OTOA: variants seen among roughly 807,000 people sequenced by gnomAD.
OTOA encodes the protein cancer/testis antigen 108.
Under a neutral mutation model 110.8 loss-of-function variants are expected in OTOA, and 70 were observed. The ratio of observed to expected loss-of-function variants is 0.63; its 90% CI spans 0.52 to 0.77. The LOEUF is 0.77. Among genes scored for constraint, OTOA ranks in the 30% least tolerant of loss-of-function variants. OTOA has a pLI of 0.00. For synonymous variants in OTOA, 373 were observed against 431.5 expected (o/e 0.86, Z 1.68); for missense variants, 917 against 1,075.8 (o/e 0.85, Z 2.06).
At position 21,707,448 on chromosome 16, in the gene OTOA, G is replaced by A. The variant is rs138157336; in HGVS notation, c.1104+2156G>A. ...AGACAATTTTTTGGCATCAGGGACC[G>A]GTTTTGTGGAAGACAATTTTTTTCC... On this transcript the variant is annotated intron_variant, in intron 12 of 28. Coordinates refer to ENST00000646100, the MANE Select transcript of OTOA (RefSeq NM_144672.4). Among the ~76,000 whole-genome samples the A allele has an allele frequency of 3.2e-4, 49 of 152,034 alleles. No individual in the cohort carries two copies. The East Asian group carries it at 7.6e-3, about 24-fold the overall frequency.
At chr16:21,719,298 T>TGTATCTGATC (rs1350704563) in intron 16 of OTOA, 89 bp from the exon 17 acceptor site, 1 of 1,553,258 alleles carries the variant, frequency 6.4e-7, no homozygotes, top group Non-Finnish European at 8.9e-7. Context: ...ATCTGTAGCT[T>TGTATCTGATC]GTATCTGATC....
At chr16:21,684,436 G>A in intron 6 of OTOA, 1 of 1,536,868 alleles carries the variant, frequency 6.5e-7, no homozygotes. Flanking sequence ...CATTTCGCCT[G>A]TATTTTGCTC....
At chr16:21,678,703 T>G (rs1258669572) in intron 2 of OTOA, 98 bp downstream of exon 2, 2 of 1,256,912 alleles carry the variant, frequency 1.6e-6, no homozygotes, top group Non-Finnish European at 2.3e-6. Context: ...TAAGTTGTTT[T>G]TGGGCTGTGT....
rs34170544 is a variant in OTOA, at chr16:21,692,927, CAA to C, written c.739+1257_739+1258del. ...TGGGTGACAGAGTGAGACTCTGTCT[CAA>C]AAAAAAAAAAAAAAAAGAAAGAAAG... On this transcript the variant is annotated intron_variant, in intron 9 of 28. Transcript: ENST00000646100. 1.3e-3 allele frequency among the ~76,000 whole-genome samples: 131 copies of C among 97,072 alleles called. 1 individual carries two copies. The highest frequency in any genetic ancestry group is 4.4e-3 in the African/African-American group (107 of 24,114). The allele number at this position is 97,072 out of a possible 152,430, so 63.7% of individuals were successfully genotyped here.
At chr16:21,700,377 G>A (rs1015550316) in intron 10 of OTOA, among the ~76,000 whole-genome samples, 10 of 152,120 alleles carry the variant, frequency 6.6e-5, no homozygotes, top group African/African-American at 2.4e-4. Context: ...CTTTCCTAAA[G>A]AATAGTTAGG....
At chr16:21,713,490 T>A (rs2141693822) in intron 13 of OTOA, among the ~76,000 whole-genome samples, 1 of 152,258 alleles carries the variant, frequency 6.6e-6, no homozygotes, top group African/African-American at 2.4e-5. Context: ...TAACAAACAT[T>A]TACTGAACAC....
chr16:21,682,669 T>A (rs1408531510), intron 6 of OTOA, among the ~76,000 whole-genome samples: 1 of 152,192 alleles, frequency 6.6e-6, no homozygotes, highest in East Asian at 1.9e-4. Context: ...CATCACACTG[T>A]GGATAACACA....
chr16:21,688,674 G>A (rs1897767530), intron 8 of OTOA, among the ~76,000 whole-genome samples: 1 of 152,094 alleles, frequency 6.6e-6, no homozygotes, highest in African/African-American at 2.4e-5. Context: ...TTCTCGCTGT[G>A]TCCCCTTGTG....
At chr16:21,688,421 CA>C (rs1341166886) in intron 8 of OTOA, among the ~76,000 whole-genome samples, 2 of 151,734 alleles carry the variant, frequency 1.3e-5, no homozygotes, top group East Asian at 3.9e-4. Flanking sequence ...AAAACAAAAA[CA>C]AAAAAACCCA....
chr16:21,677,626 C>T (rs1368247930), intron 1 of OTOA, among the ~76,000 whole-genome samples: 2 of 149,928 alleles, frequency 1.3e-5, no homozygotes, highest in Admixed American at 6.7e-5. Context: ...GGACTACAGG[C>T]GCCCGCCACC....
chr16:21,725,786 T>C (rs1484891382), intron 18 of OTOA, among the ~76,000 whole-genome samples: 2 of 152,144 alleles, frequency 1.3e-5, no homozygotes, highest in African/African-American at 4.8e-5. Flanking sequence ...GTTAATGCCT[T>C]CCAAAGGAGA....
rs1279459758 is a variant in OTOA, at chr16:21,701,190, C to CT, written c.980+170dup. ...TGCATGTGAGGAGAGGTGTCTGCAA[C>CT]TTTTTTTATGAAGAGGTTATGAAGC... is the stretch of plus-strand genomic sequence containing the variant. On this transcript the variant is annotated intron_variant, in intron 11 of 28. Transcript: ENST00000646100. 6.8e-6 allele frequency: 7 copies of CT among 1,026,360 alleles called. No homozygotes were observed. The East Asian group carries it at 7.8e-5, about 11-fold the overall frequency. 63.6% of individuals were successfully genotyped at this position (1,026,360 alleles called of 1,614,324 possible). A position where few individuals can be genotyped will look rare whatever the true frequency, so the allele number is the denominator to read the frequency against.
chr16:21,733,697 C>T (rs1408810586), intron 21 of OTOA, among the ~76,000 whole-genome samples: 2 of 150,890 alleles, frequency 1.3e-5, no homozygotes, highest in African/African-American at 4.9e-5. Context: ...TCCAAGGCAA[C>T]CCAAAGTCCC....
chr16:21,706,235 TTCCCTTGGCC>T (rs1490262767), intron 12 of OTOA, among the ~76,000 whole-genome samples: 1 of 152,192 alleles, frequency 6.6e-6, no homozygotes, highest in Non-Finnish European at 1.5e-5. Context: ...TTCCTCCTTC[TTCCCTTGGCC>T]TCCCAAAGTG....
intron 19 of OTOA, among the ~76,000 whole-genome samples, chr16:21,727,867 T>G (rs1898973084): frequency 6.6e-6 from 1 of 151,576 alleles, no homozygotes; most frequent in Non-Finnish European, 1.5e-5. Context: ...GGAACTTTTT[T>G]TTTTTTTTTT....
In OTOA at chr16:21,730,893, T is replaced by A; in HGVS notation, c.2264T>A (p.Leu755His). 1.9e-6 allele frequency: 3 copies of A among 1,575,720 alleles called. No homozygotes were observed. Among genetic ancestry groups the A allele is most frequent in the Non-Finnish European group, 1.7e-6 (2 of 1,150,024 alleles). ...TTKDLGPFLV[L>H]FSGDELSSIA... Reference sequence around the variant, plus strand: ...AAGGACTTGGGACCCTTTCTAGTACTTTTCTCAGGAGATGAATTAAGCTCT... The same window carrying A: ...AAGGACTTGGGACCCTTTCTAGTACATTTCTCAGGAGATGAATTAAGCTCT... The change falls in exon 21 of 29, where the codon CTT becomes CAT. Residue 755 changes from leucine to histidine, a missense_variant. This residue lies in a region of OTOA where 3 missense variants were observed against 19.3 expected (regional missense o/e 0.16). Transcript: ENST00000646100.
intron 28 of OTOA, among the ~76,000 whole-genome samples, chr16:21,759,643 G>A (rs867085345): frequency 5.9e-5 from 9 of 152,116 alleles, no homozygotes; most frequent in African/African-American, 1.9e-4. Flanking sequence ...GCTTATGCCT[G>A]TAATCCCAGC....
chr16:21,713,230 G>A (rs1898414094), intron 13 of OTOA, among the ~76,000 whole-genome samples: 1 of 152,176 alleles, frequency 6.6e-6, no homozygotes, highest in South Asian at 2.1e-4. Context: ...CTCCCAAAGA[G>A]AAGGAGTAGG....
intron 21 of OTOA, among the ~76,000 whole-genome samples, chr16:21,733,381 C>A (rs1899177442): frequency 6.6e-6 from 1 of 151,504 alleles, no homozygotes; most frequent in South Asian, 2.1e-4. Flanking sequence ...AGGGACCAAT[C>A]CATGGTATCC....
Sources: allele counts gnomAD v4.1 joint callset (sites outside exome capture counted in the v4.1 genomes callset), GRCh38; gene constraint gnomAD v4.1.1; regional missense constraint gnomAD v4.1.1; transcripts MANE v1.5; gene names NCBI Gene and HGNC (gene_info 2026-07-23, HGNC 2026-07-21).